The following UBE2E2 variants were observed in gnomAD, a reference collection of about 807,000 sequenced individuals.
UBE2E2 encodes ubiquitin conjugating enzyme E2 E2, also known as ubiquitin-conjugating enzyme E2 E2.
Under a neutral mutation model 24.7 loss-of-function variants are expected in UBE2E2, and 6 were observed. The ratio of observed to expected loss-of-function variants is 0.24; its 90% confidence interval spans 0.13 to 0.48. The LOEUF is 0.48. UBE2E2 is among the 20% of genes least tolerant of loss of function. The pLI, the probability that UBE2E2 is intolerant of heterozygous loss-of-function variation, is 0.99. For missense variants in UBE2E2, 169 were observed against 245.0 expected, an observed-to-expected ratio of 0.69 and a Z score of 2.07; for synonymous variants, 104 against 83.6, an observed-to-expected ratio of 1.24 and a Z score of -1.33.
chr3:23,580,998 G>A lies in UBE2E2; in HGVS notation c.509-8736G>A, dbSNP rs181389616. Among the ~76,000 whole-genome samples, 10 of 152,222 alleles carry A rather than the reference G, an allele frequency of 6.6e-5. No individual in the cohort carries two copies. In the East Asian group the frequency reaches 1.5e-3, roughly 23 times the overall value. On this transcript the variant is annotated intron_variant, in intron 5 of 5. Coordinates refer to ENST00000396703, the MANE Select transcript of UBE2E2 (RefSeq NM_152653.4). The stretch of plus-strand genomic sequence containing the variant: ...GTCAGATCTGATTCATGTTAAACAC[G>A]TTTTGCATATGGCAAAGGGCTTTTA...
chr3:23,264,626 G>A (rs1697994070), intron 3 of UBE2E2, among the ~76,000 whole-genome samples: 1 of 152,158 alleles, frequency 6.6e-6, no homozygotes, highest in African/African-American at 2.4e-5. Flanking sequence ...TCATGATGAT[G>A]TGGCCCAAGT....
At chr3:23,412,307 T>C (rs6807788) in intron 3 of UBE2E2, among the ~76,000 whole-genome samples, 43,907 of 151,988 alleles carry the variant, frequency 0.29, 6,567 homozygotes, top group East Asian at 0.36. Flanking sequence ...AAAAATTATT[T>C]TGCCTTATGA....
chr3:23,377,093 A>G (rs1282166011), intron 3 of UBE2E2, among the ~76,000 whole-genome samples: 4 of 152,138 alleles, frequency 2.6e-5, no homozygotes, highest in South Asian at 2.1e-4. Context: ...TCTAATTACT[A>G]TATTCACCCA....
At chr3:23,568,612 TAC>T (rs1325748655) in intron 5 of UBE2E2, among the ~76,000 whole-genome samples, 1 of 1,516 alleles carries the variant, frequency 6.6e-4, no homozygotes, top group East Asian at 0.062. Flanking sequence ...TATACATATA[TAC>T]ACACACATAT....
chr3:23,431,962 G>A (rs778503), intron 3 of UBE2E2, among the ~76,000 whole-genome samples: 99,966 of 152,042 alleles, frequency 0.66, 34,638 homozygotes, highest in African/African-American at 0.89. Context: ...CTCACAGACA[G>A]GTCATATGAA....
At chr3:23,446,114 T>A (rs1698424559) in intron 3 of UBE2E2, among the ~76,000 whole-genome samples, 1 of 152,188 alleles carries the variant, frequency 6.6e-6, no homozygotes, top group Non-Finnish European at 1.5e-5. Context: ...TCACACTCGG[T>A]CACTCTTGAA....
Position 23,208,846 on chromosome 3 carries a change from C to A in UBE2E2, c.147C>A (p.Thr49=), listed in dbSNP as rs773978678. ...KKKEGKISSK[T]AAKLSTSAKR... is the part of the protein sequence containing the mutation. ...AGGAGGGAAAAATATCCAGCAAAACCGCTGCTAAATTGTCAACTAGTGCTA... is the reference window on the plus strand; with the variant it reads ...AGGAGGGAAAAATATCCAGCAAAACAGCTGCTAAATTGTCAACTAGTGCTA... The change falls in exon 2 of 6, where the codon ACC becomes ACA. Residue 49 remains threonine (T), a synonymous_variant. Coordinates refer to ENST00000396703, the MANE Select transcript of UBE2E2 (RefSeq NM_152653.4). The A allele has an allele frequency of 2.5e-6, 4 of 1,612,714 alleles. No individual in the cohort carries two copies. The highest frequency in any genetic ancestry group is 3.4e-6 in the Non-Finnish European group (4 of 1,179,312).
chr3:23,443,142 C>T (rs182315089), intron 3 of UBE2E2, among the ~76,000 whole-genome samples: 2 of 152,262 alleles, frequency 1.3e-5, no homozygotes, highest in East Asian at 3.9e-4. Context: ...TCTCTTTTCT[C>T]TTCCTACTCT....
chr3:23,308,108 C>T (rs1336061154), intron 3 of UBE2E2, among the ~76,000 whole-genome samples: 2 of 152,186 alleles, frequency 1.3e-5, no homozygotes, highest in Non-Finnish European at 2.9e-5. Context: ...GTGTTAGAAT[C>T]AGCTATACCT....
intron 3 of UBE2E2, among the ~76,000 whole-genome samples, chr3:23,222,047 C>G (rs535097817): frequency 1.4e-3 from 213 of 152,010 alleles, no homozygotes; most frequent in African/African-American, 4.9e-3. Flanking sequence ...AGTCTACTCT[C>G]TATTTTTGAG....
chr3:23,569,975 T>C (rs1696184778), intron 5 of UBE2E2, among the ~76,000 whole-genome samples: 1 of 152,230 alleles, frequency 6.6e-6, no homozygotes, highest in Non-Finnish European at 1.5e-5. Context: ...TGTGGAATCT[T>C]GCTTTTCTAT....
chr3:23,208,757 G>C lies in UBE2E2; in HGVS notation c.58G>C (p.Asp20His). Residue 20 changes from aspartate (D) to histidine (H), a missense_variant, in exon 2 of 6, where the codon GAT becomes CAT. Physicochemically the swap from Asp to His is moderately conservative, Grantham distance 81. Around this residue, in one of 2 missense-constraint regions of UBE2E2, gnomAD observed 64 missense variants for 64.3 expected, o/e 1.00. Coordinates refer to ENST00000396703, the MANE Select transcript of UBE2E2 (RefSeq NM_152653.4). ...DSPSTSGGSSDGDQRESVQQE... is the reference protein window; with the variant it reads ...DSPSTSGGSSHGDQRESVQQE... ...TCCAAGCACTAGTGGAGGAAGTTCC[G>C]ATGGAGATCAACGTGAAAGTGTTCA... 6.2e-7 allele frequency: 1 copy of C among 1,613,690 alleles called. No individual in the cohort carries two copies. Among genetic ancestry groups the C allele is most frequent in the Non-Finnish European group, 8.5e-7 (1 of 1,179,770 alleles).
chr3:23,543,135 G>A (rs959153121), intron 5 of UBE2E2, among the ~76,000 whole-genome samples: 1 of 152,094 alleles, frequency 6.6e-6, no homozygotes, highest in African/African-American at 2.4e-5. Flanking sequence ...GCAACAAAGT[G>A]AGACCCTGTC....
intron 3 of UBE2E2, among the ~76,000 whole-genome samples, chr3:23,267,244 C>CA (rs1206708363): frequency 1.3e-5 from 2 of 150,896 alleles, no homozygotes; most frequent in African/African-American, 4.9e-5. Flanking sequence ...AAAAACCCTT[C>CA]AAAAAATAAA....
intron 3 of UBE2E2, among the ~76,000 whole-genome samples, chr3:23,333,574 A>G (rs1695124893): frequency 6.6e-6 from 1 of 152,110 alleles, no homozygotes; most frequent in South Asian, 2.1e-4. Flanking sequence ...CACCTGCAAG[A>G]GAAAAAATTA....
intron 5 of UBE2E2, among the ~76,000 whole-genome samples, chr3:23,577,625 T>C (rs1196399655): frequency 1.3e-5 from 2 of 152,258 alleles, no homozygotes; most frequent in Admixed American, 6.5e-5. Flanking sequence ...GTTGCTGATA[T>C]AGAAGCTACA....
At chr3:23,288,161 T>G (rs996994133) in intron 3 of UBE2E2, among the ~76,000 whole-genome samples, 2 of 152,212 alleles carry the variant, frequency 1.3e-5, no homozygotes, top group African/African-American at 4.8e-5. Flanking sequence ...TTCAGTTTCC[T>G]TCTTAATTTC....
At position 23,583,105 on chromosome 3, in the gene UBE2E2, A is replaced by C. The variant is rs1053130322; in HGVS notation, c.509-6629A>C. 6.6e-6 allele frequency among the ~76,000 whole-genome samples: 1 copy of C among 151,988 alleles called. No homozygotes were observed. Among genetic ancestry groups the C allele is most frequent in the Admixed American group, 6.6e-5 (1 of 15,256 alleles). On this transcript the variant is annotated intron_variant, in intron 5 of 5. Transcript: ENST00000396703. The surrounding 1 kb of genome is among the most constrained non-coding windows in gnomAD (Gnocchi z 4.1). Reference sequence around the variant, plus strand: ...TAATCCATCTTGAGTTGATTTTTGGATGTGGTGTAAGGAAGGGGTCCAATT... The same window carrying C: ...TAATCCATCTTGAGTTGATTTTTGGCTGTGGTGTAAGGAAGGGGTCCAATT...
At chr3:23,380,208 T>C (rs2125349578) in intron 3 of UBE2E2, among the ~76,000 whole-genome samples, 1 of 151,948 alleles carries the variant, frequency 6.6e-6, no homozygotes, top group East Asian at 2.0e-4. Flanking sequence ...ATCCCATTTC[T>C]TCTTTATTAA....
Sources: allele counts gnomAD v4.1 joint callset (sites outside exome capture counted in the v4.1 genomes callset), GRCh38; gene constraint gnomAD v4.1.1; regional missense constraint gnomAD v4.1.1; non-coding constraint Gnocchi (gnomAD v3.1); transcripts MANE v1.5; gene names NCBI Gene and HGNC (gene_info 2026-07-23, HGNC 2026-07-21).